Variants in SEC24A observed in about 807,000 individuals in gnomAD.
The protein encoded by SEC24A is protein transport protein Sec24A.
A neutral mutation model predicts 129.4 loss-of-function variants in SEC24A; 93 were observed. That is an observed-to-expected ratio of 0.72 (90% CI 0.61 to 0.85). The LOEUF is 0.85. SEC24A is among the 40% of genes least tolerant of loss of function. The probability of loss-of-function intolerance (pLI) is 0.00; values close to 1 mark genes in which losing one functional copy is unlikely to be tolerated. For missense variants in SEC24A, 1,264 were observed against 1,307.4 expected, an observed-to-expected ratio of 0.97 and a Z score of 0.51; for synonymous variants, 460 against 467.3, an observed-to-expected ratio of 0.98 and a Z score of 0.20.
rs772293977 is a variant in SEC24A at position 134,679,716 on chromosome 5, C to G, written c.1369C>G (p.Arg457Gly). 5 of 1,585,430 alleles carry G rather than the reference C, an allele frequency of 3.2e-6. No homozygotes were observed. Among genetic ancestry groups the G allele is most frequent in the Non-Finnish European group, 4.3e-6 (5 of 1,162,038 alleles). The change falls in exon 8 of 23, where the codon CGA becomes GGA. Residue 457 changes from arginine (R) to glycine (G), a missense_variant. By Grantham distance (125) the Arg-to-Gly change is moderately radical (BLOSUM62 -2). Transcript: ENST00000398844. ...QRRWKCNLCYRVNDVPEEFLY... is the reference protein window; with the variant it reads ...QRRWKCNLCYGVNDVPEEFLY... ...GAGATGGAAGTGTAACTTATGTTAT[C>G]GAGTCAATGATGGTATGGGATGCTT... is the stretch of plus-strand genomic sequence containing the variant.
intron 11 of SEC24A, 93 bp from the exon 12 acceptor site, chr5:134,692,509 G>A: frequency 1.5e-6 from 1 of 659,320 alleles, no homozygotes; most frequent in Non-Finnish European, 2.7e-6. Context: ...TTATTTTTAA[G>A]GAAGGGGGTG....
intron 11 of SEC24A, among the ~76,000 whole-genome samples, chr5:134,690,940 T>C (rs1561819469): frequency 6.6e-6 from 1 of 151,588 alleles, no homozygotes; most frequent in Non-Finnish European, 1.5e-5. Context: ...AGTCTCTGCC[T>C]CCCAGGTTCA....
intron 17 of SEC24A, among the ~76,000 whole-genome samples, chr5:134,707,903 CTAAA>C (rs1432003630): frequency 6.6e-6 from 1 of 151,772 alleles, no homozygotes; most frequent in East Asian, 1.9e-4. Flanking sequence ...GAAAATCTGT[CTAAA>C]TAAGAGGCCA....
chr5:134,705,070 T>TTTTATATATATATATATATATATATATA (rs1554141294), intron 16 of SEC24A, among the ~76,000 whole-genome samples: 2 of 133,348 alleles, frequency 1.5e-5, no homozygotes, highest in South Asian at 2.3e-4. Flanking sequence ...ATATTTATAT[T>TTTTATATATATATATATATATATATATA]TATATATATA....
chr5:134,694,819 C>CAA (rs79409386), intron 13 of SEC24A, among the ~76,000 whole-genome samples: 6 of 66,052 alleles, frequency 9.1e-5, no homozygotes, highest in Non-Finnish European at 1.3e-4. Flanking sequence ...AACTCCGTCT[C>CAA]AAAAAAAAAA....
In SEC24A at chr5:134,661,560, C is replaced by T. The variant is rs373213775; in HGVS notation, c.539C>T (p.Ser180Leu). The T allele has an allele frequency of 7.4e-6, 12 of 1,613,006 alleles. No individual in the cohort carries two copies. The highest frequency in any genetic ancestry group is 1.0e-5 in the Non-Finnish European group (12 of 1,179,110). Residue 180 changes from serine to leucine, a missense_variant, in exon 2 of 23, where the codon TCA becomes TTA. Ser to Leu is a moderately radical substitution (Grantham distance 145). Coordinates refer to ENST00000398844, the MANE Select transcript of SEC24A (RefSeq NM_021982.3). ...CAATATGTTTCTTCTGGATATCCTT[C>T]ACTTCAAAATAGCTTCATAAAGTCA... ...NHQYVSSGYPSLQNSFIKSGP... is the reference protein window; with the variant it reads ...NHQYVSSGYPLLQNSFIKSGP...
chr5:134,697,845 G>A (rs1751873846), intron 14 of SEC24A, 54 bp from the exon 15 acceptor site: 4 of 1,511,728 alleles, frequency 2.6e-6, no homozygotes, highest in East Asian at 2.3e-5. Flanking sequence ...AGTTACTTTG[G>A]TGTAGTAGAA....
At chr5:134,690,655 C>G (rs938815586) in intron 11 of SEC24A, among the ~76,000 whole-genome samples, 35 of 152,156 alleles carry the variant, frequency 2.3e-4, no homozygotes, top group Middle Eastern at 3.2e-3. Context: ...ATATAGAAAT[C>G]TAGAAAGTGA....
rs1301446934 is a variant in SEC24A, at chr5:134,726,378, T to C, written c.*1284T>C. On this transcript the variant is annotated 3_prime_UTR_variant, in exon 23 of 23. Transcript: ENST00000398844. ...ATTTCTTAAATATGTTCATGTATAA[T>C]ACTTGATCAAAATATTTTTGGGTTT... 6.6e-6 allele frequency: 1 copy of C among 152,620 alleles called. No individual in the cohort carries two copies. The highest frequency in any genetic ancestry group is 2.4e-5 in the African/African-American group (1 of 41,466). 9.5% of individuals were successfully genotyped at this position (152,620 alleles called of 1,614,324 possible). A position where few individuals can be genotyped will look rare whatever the true frequency, so the allele number is the denominator to read the frequency against.
chr5:134,724,952 C>A, intron 22 of SEC24A, 28 bp from the exon 23 acceptor site: 1 of 1,140,296 alleles, frequency 8.8e-7, no homozygotes, highest in South Asian at 1.3e-5. Flanking sequence ...TACATTTTAT[C>A]TAAATTTTTT....
At chr5:134,661,703 TTAG>T (rs1167762827) in intron 2 of SEC24A, 117 bp downstream of exon 2, 3 of 879,488 alleles carry the variant, frequency 3.4e-6, no homozygotes, top group East Asian at 2.7e-5. Flanking sequence ...TTTAAAATTA[TTAG>T]TAGTTTTTTG....
Position 134,676,144 on chromosome 5 carries a change from CTTTT to C in SEC24A, c.1254+29_1254+32del. 12 of 1,275,540 alleles carry C rather than the reference CTTTT, an allele frequency of 9.4e-6. No homozygotes were observed. The highest frequency in any genetic ancestry group is 2.7e-5 in the East Asian group (1 of 37,326). 79.0% of individuals were successfully genotyped at this position (1,275,540 alleles called of 1,614,324 possible). A position where few individuals can be genotyped will look rare whatever the true frequency, so the allele number is the denominator to read the frequency against. On this transcript the variant is annotated intron_variant, in intron 7 of 22. Transcript: ENST00000398844. ...CTTAGTGGTATGTTTCTTTTCTTTTCTTTTTTTTTTTTTGAGACGGAGTCTCCCT... is the reference window on the plus strand; with the variant it reads ...CTTAGTGGTATGTTTCTTTTCTTTTCTTTTTTTTTGAGACGGAGTCTCCCT...
intron 2 of SEC24A, among the ~76,000 whole-genome samples, chr5:134,662,257 C>T (rs1750495223): frequency 6.6e-6 from 1 of 152,046 alleles, no homozygotes; most frequent in African/African-American, 2.4e-5. Flanking sequence ...CGGGTTCACG[C>T]CATTCTCCTG....
intron 13 of SEC24A, among the ~76,000 whole-genome samples, chr5:134,695,795 A>C (rs1277405454): frequency 1.3e-5 from 2 of 151,690 alleles, no homozygotes; most frequent in Admixed American, 6.6e-5. Flanking sequence ...ACAACAACAA[A>C]AAACAAAAAT....
chr5:134,711,894 C>T (rs1305069456), intron 18 of SEC24A, among the ~76,000 whole-genome samples: 1 of 151,728 alleles, frequency 6.6e-6, no homozygotes, highest in Non-Finnish European at 1.5e-5. Context: ...ACTACAGGCG[C>T]CCACTACCAC....
rs1421628050 is a variant in SEC24A, at chr5:134,715,149, T to C, written c.2853T>C (p.Asn951=). 2 of 1,609,908 alleles carry C rather than the reference T, an allele frequency of 1.2e-6. No individual in the cohort carries two copies. Among genetic ancestry groups the C allele is most frequent in the South Asian group, 1.1e-5 (1 of 89,676 alleles). ...TTHPSLYRVD[N]LSDEGALNIS... is the part of the protein sequence containing the mutation. Reference sequence around the variant, plus strand: ...ATCCCAGTTTGTATAGAGTTGACAATCTCTCAGATGAGGTAAGATGGATTG... The same window carrying C: ...ATCCCAGTTTGTATAGAGTTGACAACCTCTCAGATGAGGTAAGATGGATTG... Residue 951 remains asparagine (N), a synonymous_variant, in exon 19 of 23, where the codon AAT becomes AAC. Transcript: ENST00000398844.
rs1315636103 is a variant in SEC24A at position 134,714,759 on chromosome 5, C to T, written c.2728-265C>T. Among the ~76,000 whole-genome samples, 3 of 152,070 alleles carry T rather than the reference C, an allele frequency of 2.0e-5. No individual in the cohort carries two copies. The South Asian group carries it at 6.2e-4, about 32-fold the overall frequency. On this transcript the variant is annotated intron_variant, in intron 18 of 22. Transcript: ENST00000398844. Reference sequence around the variant, plus strand: ...TATATGGTAGATAGAGTGTTTAGATCTATTTTATCAACTAGGAAACAGACA... The same window carrying T: ...TATATGGTAGATAGAGTGTTTAGATTTATTTTATCAACTAGGAAACAGACA...
chr5:134,696,847 C>T (rs994466226), intron 13 of SEC24A, among the ~76,000 whole-genome samples: 7 of 151,274 alleles, frequency 4.6e-5, no homozygotes, highest in Non-Finnish European at 7.4e-5. Context: ...AGGATGGTCT[C>T]AAACTCCTGG....
chr5:134,665,220 G>C (rs1042835081), intron 2 of SEC24A, among the ~76,000 whole-genome samples: 1 of 151,602 alleles, frequency 6.6e-6, no homozygotes, highest in Non-Finnish European at 1.5e-5. Context: ...AGGCCGAGGC[G>C]GGTGGATTAC....
Sources: allele counts gnomAD v4.1 joint callset (sites outside exome capture counted in the v4.1 genomes callset), GRCh38; gene constraint gnomAD v4.1.1; transcripts MANE v1.5; gene names NCBI Gene and HGNC (gene_info 2026-07-23, HGNC 2026-07-21).